The following DLG2 variants were observed in gnomAD, a reference collection of about 807,000 sequenced individuals.
DLG2 encodes discs large MAGUK scaffold protein 2.
In DLG2, 45 loss-of-function variants were observed where a neutral mutation model predicts 132.5. The observed-to-expected ratio is 0.34, with a 90% CI of 0.27 to 0.44. The LOEUF is 0.44. Among genes scored for constraint, DLG2 ranks in the 20% least tolerant of loss-of-function variants. The pLI, the probability that DLG2 is intolerant of heterozygous loss-of-function variation, is 1.00. For synonymous variants in DLG2, 424 were observed against 419.6 expected (o/e 1.01, Z -0.13); for missense variants, 1,045 against 1,196.9 (o/e 0.87, Z 1.87).
Position 84,968,301 on chromosome 11 carries a change from G to A in DLG2, c.357+143360C>T, listed in dbSNP as rs537726884. On this transcript the variant is annotated intron_variant, in intron 6 of 27. Coordinates refer to ENST00000376104, the MANE Select transcript of DLG2 (RefSeq NM_001142699.3). ...TTTGTGTATATGTACATGTACCTGT[G>A]TGCACTGAAGAGAATGGAGGAGAAT... 2.6e-5 allele frequency among the ~76,000 whole-genome samples: 4 copies of A among 152,206 alleles called. No homozygotes were observed. The South Asian group carries it at 8.3e-4, about 32-fold the overall frequency.
chr11:84,566,193 C>T (rs909411773), intron 6 of DLG2, among the ~76,000 whole-genome samples: 3 of 151,962 alleles, frequency 2.0e-5, no homozygotes, highest in Non-Finnish European at 2.9e-5. Flanking sequence ...GAACTCCTGA[C>T]CTCAATTGAT....
chr11:83,491,075 C>T (rs1157877522), intron 21 of DLG2, among the ~76,000 whole-genome samples: 1 of 150,812 alleles, frequency 6.6e-6, no homozygotes, highest in Non-Finnish European at 1.5e-5. Context: ...TAATGCAATG[C>T]CTTAAAAATA....
At chr11:85,470,184 A>G (rs2092936145) in intron 3 of DLG2, among the ~76,000 whole-genome samples, 2 of 151,952 alleles carry the variant, frequency 1.3e-5, no homozygotes, top group African/African-American at 2.4e-5. Flanking sequence ...AAAATCAGAA[A>G]GACATGAAAA....
rs34476380 is a variant in DLG2 at position 84,402,881 on chromosome 11, C to CAAAAAAAAAAAAAAAAAAAAAAAAAAA, written c.519+131688_519+131689insTTTTTTTTTTTTTTTTTTTTTTTTTTT. 7.2e-4 allele frequency among the ~76,000 whole-genome samples: 53 copies of CAAAAAAAAAAAAAAAAAAAAAAAAAAA among 73,874 alleles called. 4 individuals carry two copies. The highest frequency in any genetic ancestry group is 4.0e-3 in the African/African-American group (38 of 9,548). The allele number at this position is 73,874 out of a possible 152,430, so 48.5% of individuals were successfully genotyped here. A position where few individuals can be genotyped will look rare whatever the true frequency, so the allele number is the denominator to read the frequency against. On this transcript the variant is annotated intron_variant, in intron 7 of 27. Coordinates refer to ENST00000376104, the MANE Select transcript of DLG2 (RefSeq NM_001142699.3). ...TGGGCGACAGAGCGAAACTCCGTCT[C>CAAAAAAAAAAAAAAAAAAAAAAAAAAA]AAAAAAAAAAAAAAAAAAAATTAAC...
At chr11:85,062,526 G>C (rs1368047594) in intron 6 of DLG2, among the ~76,000 whole-genome samples, 1 of 150,380 alleles carries the variant, frequency 6.6e-6, no homozygotes, top group Admixed American at 6.7e-5. Flanking sequence ...AAGATAGGTA[G>C]TATCACAGAC....
At chr11:85,371,726 T>C (rs1382740783) in intron 3 of DLG2, among the ~76,000 whole-genome samples, 1 of 152,210 alleles carries the variant, frequency 6.6e-6, no homozygotes, top group Admixed American at 6.5e-5. Context: ...CAAGTTTATC[T>C]TGGGACCTTT....
intron 11 of DLG2, among the ~76,000 whole-genome samples, chr11:83,990,360 A>G (rs965248203): frequency 4.6e-5 from 7 of 152,152 alleles, no homozygotes; most frequent in Admixed American, 2.0e-4. Context: ...TCTCATGTCA[A>G]CATAAGAAAT....
intron 3 of DLG2, among the ~76,000 whole-genome samples, chr11:85,323,366 CTTTT>C (rs573522976): frequency 9.9e-4 from 150 of 152,260 alleles, no homozygotes; most frequent in African/African-American, 3.3e-3. Context: ...GCCCTTCTTT[CTTTT>C]TATTTTTTGA....
chr11:83,989,927 A>C (rs945552904), intron 11 of DLG2, among the ~76,000 whole-genome samples: 4 of 152,150 alleles, frequency 2.6e-5, no homozygotes, highest in Admixed American at 6.6e-5. Context: ...CCATTTTGAA[A>C]AGAAGTGTCC....
At chr11:83,490,170 G>T (rs756880691) in intron 21 of DLG2, among the ~76,000 whole-genome samples, 1 of 151,746 alleles carries the variant, frequency 6.6e-6, no homozygotes, top group African/African-American at 2.4e-5. Context: ...GAAACATTTC[G>T]TGGGGCTAGA....
At chr11:84,895,774 T>A (rs1282238547) in intron 6 of DLG2, among the ~76,000 whole-genome samples, 1 of 152,130 alleles carries the variant, frequency 6.6e-6, no homozygotes, top group Non-Finnish European at 1.5e-5. Context: ...AATAAGTATT[T>A]TGGTCATGTA....
intron 8 of DLG2, among the ~76,000 whole-genome samples, chr11:84,204,079 T>G (rs1248995021): frequency 6.6e-6 from 1 of 152,172 alleles, no homozygotes; most frequent in African/African-American, 2.4e-5. Flanking sequence ...TGCCTCAGCC[T>G]CCCGAATAGC....
chr11:84,373,327 T>C (rs2098716550), intron 7 of DLG2, among the ~76,000 whole-genome samples: 1 of 143,834 alleles, frequency 7.0e-6, no homozygotes, highest in South Asian at 2.3e-4. Flanking sequence ...CCCAGCACTT[T>C]GGGAGGCCAA....
chr11:83,876,417 CAAATT>C (rs1204125462), intron 15 of DLG2, among the ~76,000 whole-genome samples: 1 of 151,762 alleles, frequency 6.6e-6, no homozygotes, highest in Non-Finnish European at 1.5e-5. Context: ...TGATAAATAT[CAAATT>C]AAAATATATT....
intron 7 of DLG2, among the ~76,000 whole-genome samples, chr11:84,417,621 C>A (rs2098934268): frequency 6.6e-6 from 1 of 152,104 alleles, no homozygotes; most frequent in Non-Finnish European, 1.5e-5. Flanking sequence ...CATACCCAAC[C>A]CTGACCCATG....
At chr11:85,340,565 C>G (rs1208869202) in intron 3 of DLG2, among the ~76,000 whole-genome samples, 1 of 152,166 alleles carries the variant, frequency 6.6e-6, no homozygotes, top group African/African-American at 2.4e-5. Flanking sequence ...GTGCAGTAAA[C>G]CAACATGGCA....
intron 3 of DLG2, among the ~76,000 whole-genome samples, chr11:85,475,796 A>G (rs747541322): frequency 1.3e-5 from 2 of 152,134 alleles, no homozygotes; most frequent in African/African-American, 4.8e-5. Flanking sequence ...GAGAAGCTCA[A>G]TGTCATCCAG....
At chr11:83,549,362 G>C (rs1191554124) in intron 19 of DLG2, among the ~76,000 whole-genome samples, 1 of 152,104 alleles carries the variant, frequency 6.6e-6, no homozygotes, top group Non-Finnish European at 1.5e-5. Context: ...GAAAATAAGT[G>C]GAGTAATCTG....
chr11:83,811,655 T>C (rs549936192), intron 17 of DLG2, among the ~76,000 whole-genome samples: 60 of 152,258 alleles, frequency 3.9e-4, no homozygotes, highest in African/African-American at 1.4e-3. Context: ...TTTAGGAAGT[T>C]TAAATTTGAG....
Sources: gnomAD v4.1 joint callset for allele counts (sites outside exome capture counted in the v4.1 genomes callset) on GRCh38, gnomAD v4.1.1 for gene constraint, MANE v1.5 for transcripts, NCBI Gene and HGNC (gene_info 2026-07-23, HGNC 2026-07-21) for gene names.